Variants in TRANK1 observed in about 807,000 individuals in gnomAD.
TRANK1 encodes the protein tetratricopeptide repeat and ankyrin repeat containing 1.
A neutral mutation model predicts 266.0 loss-of-function variants in TRANK1; 198 were observed. The ratio of observed to expected loss-of-function variants is 0.74; its 90% CI spans 0.66 to 0.84. TRANK1 has a LOEUF of 0.84. Ranked by LOEUF, TRANK1 falls within the 40% of genes least tolerant of loss-of-function variation. The probability of loss-of-function intolerance (pLI) is 0.00; values close to 1 mark genes in which losing one functional copy is unlikely to be tolerated. For missense variants in TRANK1, 3,326 were observed against 3,634.6 expected (o/e 0.92, Z 2.18); for synonymous variants, 1,396 against 1,384.1 (o/e 1.01, Z -0.19).
chr3:36,935,074 A>G (rs759522285), intron 1 of TRANK1, among the ~76,000 whole-genome samples: 1 of 152,102 alleles, frequency 6.6e-6, no homozygotes, highest in Non-Finnish European at 1.5e-5. Flanking sequence ...AGACCCCAAG[A>G]TCACCCAGGC....
chr3:36,883,097 C>T (rs995419404), intron 8 of TRANK1, among the ~76,000 whole-genome samples: 4 of 152,028 alleles, frequency 2.6e-5, no homozygotes, highest in Admixed American at 1.3e-4. Flanking sequence ...ACTACATAAG[C>T]ATTTATACAT....
intron 8 of TRANK1, among the ~76,000 whole-genome samples, 195 bp downstream of exon 8, chr3:36,889,634 T>G (rs1042417152): frequency 1.3e-5 from 2 of 152,168 alleles, no homozygotes; most frequent in Non-Finnish European, 2.9e-5. Context: ...CAATTCTTCT[T>G]TCTCTCACCT....
intron 18 of TRANK1, among the ~76,000 whole-genome samples, chr3:36,840,674 C>T (rs892115771): frequency 2.6e-5 from 4 of 152,232 alleles, no homozygotes; most frequent in African/African-American, 7.2e-5. Context: ...TCAGGCATCA[C>T]GTGAACAAAC....
intron 1 of TRANK1, among the ~76,000 whole-genome samples, chr3:36,913,739 A>G (rs767945523): frequency 6.6e-6 from 1 of 152,094 alleles, no homozygotes; most frequent in East Asian, 1.9e-4. Flanking sequence ...CCCCTGGAAA[A>G]GTATGTGGTG....
chr3:36,832,825 A>G lies in TRANK1; in HGVS notation c.6758T>C (p.Ile2253Thr). ...PKILAEELKEIDYILSTDMYG... is the reference protein window; with the variant it reads ...PKILAEELKETDYILSTDMYG... The stretch of plus-strand genomic sequence containing the variant: ...CATATCTGTAGACAAAATATAATCA[A>G]TTTCTTTAAGTTCTTCTGCTAAGAT... The change falls in exon 22 of 24, where the codon ATT (isoleucine) becomes ACT (threonine). Residue 2253 changes from isoleucine (I) to threonine (T), a missense_variant. Coordinates refer to ENST00000645898, the MANE Select transcript of TRANK1 (RefSeq NM_001329998.2). 2 of 1,613,886 alleles carry G rather than the reference A, an allele frequency of 1.2e-6. No individual in the cohort carries two copies. Among genetic ancestry groups the G allele is most frequent in the Non-Finnish European group, 8.5e-7 (1 of 1,179,830 alleles).
At position 36,856,785 on chromosome 3, in the gene TRANK1, TTTA is replaced by T; in HGVS notation, c.2934_2936del (p.Asn978del). The T allele has an allele frequency of 1.9e-6, 3 of 1,614,046 alleles. No homozygotes were observed. The highest frequency in any genetic ancestry group is 2.5e-6 in the Non-Finnish European group (3 of 1,179,900). ...TTTTCATGTTAGCTGACACTTGGCC[TTTA>T]TTGATACCTTTCAGCTTCTTCCGCA... On this transcript the variant is annotated inframe_deletion, in exon 13 of 24. Transcript: ENST00000645898.
intron 1 of TRANK1, among the ~76,000 whole-genome samples, chr3:36,939,950 G>T (rs1278058279): frequency 6.6e-6 from 1 of 151,806 alleles, no homozygotes; most frequent in Non-Finnish European, 1.5e-5. Context: ...GAGTGCAGTG[G>T]TGCAATCTTG....
At chr3:36,863,177 C>T (rs1559437748) in intron 10 of TRANK1, among the ~76,000 whole-genome samples, 1 of 152,048 alleles carries the variant, frequency 6.6e-6, no homozygotes, top group Non-Finnish European at 1.5e-5. Flanking sequence ...GAAAGAAGAA[C>T]CCACACCAAC....
In TRANK1 at chr3:36,923,057, C is replaced by T. The variant is rs866501351; in HGVS notation, c.24-14603G>A. ...CTATCACCAGACACCTGCAAGTTAGCTCACTGCAACCTTAGTGTTTTATCA... is the reference window on the plus strand; with the variant it reads ...CTATCACCAGACACCTGCAAGTTAGTTCACTGCAACCTTAGTGTTTTATCA... On this transcript the variant is annotated intron_variant, in intron 1 of 23. Coordinates refer to ENST00000645898, the MANE Select transcript of TRANK1 (RefSeq NM_001329998.2). Among the ~76,000 whole-genome samples, 4 of 152,276 alleles carry T rather than the reference C, an allele frequency of 2.6e-5. No homozygotes were observed. In the South Asian group the frequency reaches 8.3e-4, roughly 32 times the overall value.
chr3:36,852,387 TG>T, intron 13 of TRANK1, 42 bp from the exon 14 acceptor site: 1 of 1,498,082 alleles, frequency 6.7e-7, no homozygotes, highest in Non-Finnish European at 8.9e-7. Flanking sequence ...ATTAACAACA[TG>T]GCTGAGTTTT....
chr3:36,897,781 T>C (rs963930513), intron 4 of TRANK1, among the ~76,000 whole-genome samples: 1 of 152,250 alleles, frequency 6.6e-6, no homozygotes, highest in Non-Finnish European at 1.5e-5. Flanking sequence ...GCAACTTAAA[T>C]TTGATCAAAC....
At chr3:36,925,382 C>CT (rs1035457965) in intron 1 of TRANK1, among the ~76,000 whole-genome samples, 2 of 151,970 alleles carry the variant, frequency 1.3e-5, no homozygotes, top group Non-Finnish European at 2.9e-5. Flanking sequence ...CTATCTTCCT[C>CT]TTTTTTTTCT....
chr3:36,883,983 A>C (rs2079567184), intron 8 of TRANK1, among the ~76,000 whole-genome samples: 2 of 152,238 alleles, frequency 1.3e-5, no homozygotes, highest in South Asian at 2.1e-4. Flanking sequence ...AATGAACATA[A>C]AGTGAATATA....
chr3:36,838,590 A>G (rs949577295), intron 19 of TRANK1, 23 bp downstream of exon 19: 1 of 1,614,002 alleles, frequency 6.2e-7, no homozygotes, highest in Non-Finnish European at 8.5e-7. Context: ...GGAGCAAACC[A>G]GAAGTGATCC....
chr3:36,835,237 T>C (rs1018736230), intron 20 of TRANK1, among the ~76,000 whole-genome samples: 1 of 135,136 alleles, frequency 7.4e-6, no homozygotes, highest in Non-Finnish European at 1.5e-5. Flanking sequence ...GAGAATGGCG[T>C]GAACCCGGGA....
At chr3:36,903,806 C>T (rs1223425248) in intron 2 of TRANK1, among the ~76,000 whole-genome samples, 1 of 152,210 alleles carries the variant, frequency 6.6e-6, no homozygotes, top group Non-Finnish European at 1.5e-5. Flanking sequence ...ATGGCTCTGG[C>T]CTTGGTCTAG....
chr3:36,943,577 C>T (rs2080527696), intron 1 of TRANK1, among the ~76,000 whole-genome samples: 1 of 147,238 alleles, frequency 6.8e-6, no homozygotes, highest in African/African-American at 2.5e-5. Flanking sequence ...GCCTGGAAAA[C>T]AGTTGAAACA....
intron 15 of TRANK1, chr3:36,850,012 G>T (rs1038414682): frequency 1.0e-6 from 1 of 985,270 alleles, no homozygotes; most frequent in Admixed American, 6.1e-5. Flanking sequence ...CAGGATCAAG[G>T]TAAGACACAT....
Position 36,828,081 on chromosome 3 carries a change from C to T in TRANK1, c.*194G>A, listed in dbSNP as rs1226511142. The T allele has an allele frequency of 3.6e-6, 2 of 557,124 alleles. No individual in the cohort carries two copies. Among genetic ancestry groups the T allele is most frequent in the African/African-American group, 1.9e-5 (1 of 52,900 alleles). 34.5% of individuals were successfully genotyped at this position (557,124 alleles called of 1,614,324 possible). On this transcript the variant is annotated 3_prime_UTR_variant, in exon 24 of 24. Transcript: ENST00000645898. ...TACTGCCAGACTCTACTTGGAAACA[C>T]TTTAGAGGTGAGGGAGCAATCAGAT...
Sources: allele counts gnomAD v4.1 joint callset (sites outside exome capture counted in the v4.1 genomes callset), GRCh38; gene constraint gnomAD v4.1.1; transcripts MANE v1.5; gene names NCBI Gene and HGNC (gene_info 2026-07-23, HGNC 2026-07-21).